Variants in FAM120A observed in about 807,000 individuals in gnomAD.
FAM120A encodes constitutive coactivator of PPAR-gamma-like protein 1.
FAM120A carries 15 observed loss-of-function variants against 109.7 expected under a neutral mutation model. The observed-to-expected ratio is 0.14, with a 90% confidence interval of 0.09 to 0.21. The LOEUF is 0.21. Ranked by LOEUF, FAM120A falls within the 10% of genes least tolerant of loss-of-function variation. The pLI is 1.00. For missense variants in FAM120A, 899 were observed against 1,439.3 expected (o/e 0.62, Z 6.07); for synonymous variants, 493 against 572.8 (o/e 0.86, Z 1.99).
At chr9:93,470,009 G>A (rs1296043062) in intron 1 of FAM120A, among the ~76,000 whole-genome samples, 1 of 152,148 alleles carries the variant, frequency 6.6e-6, no homozygotes, top group Non-Finnish European at 1.5e-5. Flanking sequence ...GGTCTCCTGT[G>A]ACCACTGAAT....
At chr9:93,517,269 T>G (rs1438562627) in intron 7 of FAM120A, among the ~76,000 whole-genome samples, 4 of 152,254 alleles carry the variant, frequency 2.6e-5, no homozygotes, top group Admixed American at 1.3e-4. Context: ...CAGAGAAGTA[T>G]AAAATTAATA....
chr9:93,455,470 G>A (rs1215522177), intron 1 of FAM120A, among the ~76,000 whole-genome samples: 2 of 152,118 alleles, frequency 1.3e-5, no homozygotes, highest in Non-Finnish European at 2.9e-5. Context: ...CAAAGTAAAT[G>A]TGTTAATTTT....
At chr9:93,488,258 A>G (rs1859153150) in intron 3 of FAM120A, among the ~76,000 whole-genome samples, 1 of 152,124 alleles carries the variant, frequency 6.6e-6, no homozygotes, top group South Asian at 2.1e-4. Flanking sequence ...CTCCTGTCAC[A>G]TCCCCAACGC....
chr9:93,539,229 C>A (rs375357201), intron 10 of FAM120A, among the ~76,000 whole-genome samples: 2 of 152,070 alleles, frequency 1.3e-5, no homozygotes, highest in Non-Finnish European at 2.9e-5. Context: ...GATCTCCTGA[C>A]CTCGTGATCC....
chr9:93,524,068 C>T (rs1192732451), intron 7 of FAM120A, among the ~76,000 whole-genome samples: 1 of 152,252 alleles, frequency 6.6e-6, no homozygotes, highest in Non-Finnish European at 1.5e-5. Context: ...GTTACACTAT[C>T]AGAGACCCTC....
intron 10 of FAM120A, among the ~76,000 whole-genome samples, chr9:93,541,288 G>A (rs919834647): frequency 2.0e-5 from 3 of 152,112 alleles, no homozygotes; most frequent in African/African-American, 7.2e-5. Context: ...CCTTGGTGTT[G>A]GATCACAGGA....
chr9:93,488,763 A>G (rs559741901), intron 3 of FAM120A, among the ~76,000 whole-genome samples: 44 of 152,104 alleles, frequency 2.9e-4, no homozygotes, highest in Admixed American at 3.9e-4. Flanking sequence ...CCCTTCCTGC[A>G]TCTGCTTTGA....
rs772075467 is a variant in FAM120A, at chr9:93,565,474, ACT to A, written c.*937_*938del. On this transcript the variant is annotated 3_prime_UTR_variant, in exon 18 of 18. Transcript: ENST00000277165. ...AGTAATAGTCCTATAAAAGATGTTA[ACT>A]CTGTTTAGTCATTGACTGATCTTGC... The A allele has an allele frequency of 6.6e-6, 1 of 152,554 alleles. No homozygotes were observed. Among genetic ancestry groups the A allele is most frequent in the Non-Finnish European group, 1.5e-5 (1 of 68,020 alleles). 9.5% of individuals were successfully genotyped at this position (152,554 alleles called of 1,614,324 possible).
chr9:93,470,366 A>G (rs1437687870), intron 1 of FAM120A, among the ~76,000 whole-genome samples: 1 of 152,220 alleles, frequency 6.6e-6, no homozygotes, highest in African/African-American at 2.4e-5. Flanking sequence ...GAGAGCCCAG[A>G]GGACTTTGAC....
chr9:93,460,344 C>G (rs1857733466), intron 1 of FAM120A, among the ~76,000 whole-genome samples: 1 of 151,866 alleles, frequency 6.6e-6, no homozygotes, highest in Non-Finnish European at 1.5e-5. Flanking sequence ...CGTTTATTTC[C>G]TTTTCGCTTT....
rs140802404 is a variant in FAM120A at position 93,523,178 on chromosome 9, G to T, written c.1419-3977G>T. 1.4e-4 allele frequency: 58 copies of T among 406,086 alleles called. No individual in the cohort carries two copies. The East Asian group carries it at 3.7e-3, about 26-fold the overall frequency. 25.2% of individuals were successfully genotyped at this position (406,086 alleles called of 1,614,324 possible). On this transcript the variant is annotated intron_variant, in intron 7 of 17. Transcript: ENST00000277165. ...GGTTTTTAATGTAAAATAGCTAAAA[G>T]AATTTTATTTGGCTCCCTTTGATCT...
In FAM120A at chr9:93,543,214, TC is replaced by T; in HGVS notation, c.1910-6del. 1 of 1,610,998 alleles carries T rather than the reference TC, an allele frequency of 6.2e-7. No individual in the cohort carries two copies. Among genetic ancestry groups the T allele is most frequent in the Non-Finnish European group, 8.5e-7 (1 of 1,177,552 alleles). ...GAATGTGTCTTCTCTGGCTTTTTTT[TC>T]CTGTAGTTTCACCAGTGATCATTAA... On this transcript the variant is annotated splice_region_variant and splice_polypyrimidine_tract_variant and intron_variant, in intron 10 of 17. Transcript: ENST00000277165.
In FAM120A at chr9:93,452,534, C is replaced by T; in HGVS notation, c.474+145C>T. ...CCTTGCCCGGGATAGCCTGGCCGGG[C>T]CGGGCTGCAAGATGGATGGCCGCGG... is the stretch of plus-strand genomic sequence containing the variant. On this transcript the variant is annotated intron_variant, in intron 1 of 17. Transcript: ENST00000277165. The surrounding 1 kb of genome is among the most constrained non-coding windows in gnomAD (Gnocchi z 7.0). 6.4e-7 allele frequency: 1 copy of T among 1,563,990 alleles called. No homozygotes were observed. The highest frequency in any genetic ancestry group is 8.6e-7 in the Non-Finnish European group (1 of 1,160,734).
At chr9:93,469,957 A>T (rs1232739824) in intron 1 of FAM120A, among the ~76,000 whole-genome samples, 1 of 152,198 alleles carries the variant, frequency 6.6e-6, no homozygotes. Context: ...TTTCTGACGT[A>T]GTGAGAATGT....
intron 1 of FAM120A, among the ~76,000 whole-genome samples, chr9:93,463,286 G>A (rs537310295): frequency 3.9e-5 from 6 of 151,998 alleles, no homozygotes; most frequent in Non-Finnish European, 7.4e-5. Context: ...GTGAAGTTGA[G>A]CATCTTTTCA....
At chr9:93,562,491 A>G (rs925199766) in intron 17 of FAM120A, among the ~76,000 whole-genome samples, 187 bp downstream of exon 17, 1 of 152,028 alleles carries the variant, frequency 6.6e-6, no homozygotes, top group African/African-American at 2.4e-5. Context: ...AGCCCAGATC[A>G]TTTTGCTGTT....
In FAM120A at chr9:93,527,157, A is replaced by G. The variant is rs1249113915; in HGVS notation, c.1421A>G (p.His474Arg). 6 of 1,613,832 alleles carry G rather than the reference A, an allele frequency of 3.7e-6. No individual in the cohort carries two copies. The highest frequency in any genetic ancestry group is 2.2e-5 in the East Asian group (1 of 44,898). ...NDEGSGGATN[H>R]ISGNKIGWEK... Reference sequence around the variant, plus strand: ...AATCATGTTCATTTTATGTTTAGCCATATCAGCGGGAACAAGATTGGCTGG... The same window carrying G: ...AATCATGTTCATTTTATGTTTAGCCGTATCAGCGGGAACAAGATTGGCTGG... Residue 474 changes from histidine to arginine, a missense_variant and splice_region_variant, in exon 8 of 18, where the codon CAT (histidine) becomes CGT (arginine). Physicochemically the swap from His to Arg is conservative, Grantham distance 29. Coordinates refer to ENST00000277165, the MANE Select transcript of FAM120A (RefSeq NM_014612.5).
chr9:93,481,206 A>T (rs1411533177), intron 3 of FAM120A, among the ~76,000 whole-genome samples: 1 of 152,246 alleles, frequency 6.6e-6, no homozygotes, highest in Non-Finnish European at 1.5e-5. Flanking sequence ...GGCTGTAGAC[A>T]TGTGCTAAGT....
At chr9:93,511,005 G>A (rs1355294352) in intron 5 of FAM120A, among the ~76,000 whole-genome samples, 2 of 151,760 alleles carry the variant, frequency 1.3e-5, no homozygotes, top group Non-Finnish European at 2.9e-5. Flanking sequence ...GCTCCCTGCT[G>A]TAGAATGTTC....
Sources: gnomAD v4.1 joint callset for allele counts (sites outside exome capture counted in the v4.1 genomes callset) on GRCh38, gnomAD v4.1.1 for gene constraint, Gnocchi (gnomAD v3.1) non-coding constraint, MANE v1.5 for transcripts, NCBI Gene and HGNC (gene_info 2026-07-23, HGNC 2026-07-21) for gene names.